The following ADAM28 variants were observed in gnomAD, a reference collection of about 807,000 sequenced individuals.
The protein encoded by ADAM28 is disintegrin and metalloproteinase domain-containing protein 28.
Under a neutral mutation model 101.2 loss-of-function variants are expected in ADAM28, and 105 were observed. The ratio of observed to expected loss-of-function variants is 1.04; its 90% confidence interval spans 0.89 to 1.22. The LOEUF is 1.22. Among genes scored for constraint, ADAM28 ranks in the 50% most tolerant of loss-of-function variants. The pLI, the probability that ADAM28 is intolerant of heterozygous loss-of-function variation, is 0.00. For missense variants in ADAM28, 1,028 were observed against 945.4 expected (o/e 1.09, Z -1.15); for synonymous variants, 322 against 310.6 (o/e 1.04, Z -0.39).
intron 6 of ADAM28, among the ~76,000 whole-genome samples, chr8:24,314,727 T>TA (rs1262097892): frequency 6.6e-6 from 1 of 151,624 alleles, no homozygotes; most frequent in Non-Finnish European, 1.5e-5. Flanking sequence ...ATCAAATGAG[T>TA]AAAAAATAAT....
At chr8:24,298,828 C>A (rs1808320580) in intron 1 of ADAM28, among the ~76,000 whole-genome samples, 1 of 152,034 alleles carries the variant, frequency 6.6e-6, no homozygotes, top group African/African-American at 2.4e-5. Flanking sequence ...GAGACTAGAC[C>A]ACATGGGCAA....
chr8:24,311,429 G>A lies in ADAM28; in HGVS notation c.375G>A (p.Arg125=). 1.2e-6 allele frequency: 2 copies of A among 1,612,298 alleles called. No homozygotes were observed. The highest frequency in any genetic ancestry group is 8.5e-7 in the Non-Finnish European group (1 of 1,179,066). ...CTGACGCTAGCATCAGCACATGTAG[G>A]GGTCTAAGGTAAGACTTCAGGAATG... ...KVSDASISTC[R]GLRGYFSQGD... The change falls in exon 5 of 23, where the codon AGG becomes AGA. Residue 125 remains arginine, a synonymous_variant. Transcript: ENST00000265769.
Position 24,331,170 on chromosome 8 carries a change from T to C in ADAM28, c.1124T>C (p.Phe375Ser). 1 of 1,612,478 alleles carries C rather than the reference T, an allele frequency of 6.2e-7. No individual in the cohort carries two copies. Reference protein sequence around the residue: ...KALSFYIPTDFSSCSRLSYDK... With the variant: ...KALSFYIPTDSSSCSRLSYDK... The stretch of plus-strand genomic sequence containing the variant: ...CACAGCTTCTATATACCCACAGACT[T>C]CAGTTCCTGCAGCCGTCTCAGCTAT... The change falls in exon 12 of 23, where the codon TTC (phenylalanine) becomes TCC (serine). Residue 375 changes from phenylalanine (F) to serine (S), a missense_variant. Phe to Ser is a radical substitution (Grantham distance 155). Transcript: ENST00000265769.
chr8:24,302,472 G>A (rs972941142), intron 2 of ADAM28, among the ~76,000 whole-genome samples: 2 of 152,170 alleles, frequency 1.3e-5, no homozygotes, highest in African/African-American at 4.8e-5. Context: ...GGGATTGCTG[G>A]GTTAAATGGT....
chr8:24,351,551 G>A (rs1047232656), intron 20 of ADAM28: 16 of 566,180 alleles, frequency 2.8e-5, no homozygotes, highest in African/African-American at 1.5e-4. Flanking sequence ...CCGGATGTCT[G>A]TCTGTCTCTC....
intron 2 of ADAM28, among the ~76,000 whole-genome samples, chr8:24,303,416 T>G (rs1296812580): frequency 6.6e-6 from 1 of 152,186 alleles, no homozygotes; most frequent in Non-Finnish European, 1.5e-5. Context: ...TCCCATTGCT[T>G]GTTTTTGTAA....
chr8:24,324,047 T>A (rs778645671), intron 9 of ADAM28, 44 bp downstream of exon 9: 1 of 1,586,450 alleles, frequency 6.3e-7, no homozygotes, highest in Non-Finnish European at 8.6e-7. Flanking sequence ...TGGTATTTAG[T>A]GGATGCTTTT....
In ADAM28 at chr8:24,330,060, G is replaced by T; in HGVS notation, c.1048G>T (p.Asp350Tyr). The T allele has an allele frequency of 6.2e-7, 1 of 1,613,746 alleles. No homozygotes were observed. The highest frequency in any genetic ancestry group is 8.5e-7 in the Non-Finnish European group (1 of 1,179,804). ...EMGHNFGMFH[D>Y]DYSCKCPSTI... ...GGGCCACAACTTTGGAATGTTTCAT[G>T]ACGACTATTCTTGCAAGTGTCCTTC... Residue 350 changes from aspartate to tyrosine, a missense_variant, in exon 11 of 23, where the codon GAC becomes TAC. Coordinates refer to ENST00000265769, the MANE Select transcript of ADAM28 (RefSeq NM_014265.6).
intron 2 of ADAM28, among the ~76,000 whole-genome samples, chr8:24,306,534 C>T (rs1809719080): frequency 6.6e-6 from 1 of 151,610 alleles, no homozygotes; most frequent in African/African-American, 2.4e-5. Context: ...TTTCCCACAT[C>T]TTCTAAACTC....
chr8:24,314,871 T>TA (rs1458841987), intron 6 of ADAM28, among the ~76,000 whole-genome samples: 1 of 149,288 alleles, frequency 6.7e-6, no homozygotes, highest in African/African-American at 2.5e-5. Context: ...GTTATTGGTG[T>TA]AAGATACTCC....
In ADAM28 at chr8:24,342,068, G is replaced by A. The variant is rs1323848121; in HGVS notation, c.1830+311G>A. On this transcript the variant is annotated intron_variant, in intron 16 of 22. Transcript: ENST00000265769. ...ATGCAGATAACACACAGTAGCATCC[G>A]TTTAACTTTCATAGACGAAGTCTGA... Among the ~76,000 whole-genome samples the A allele has an allele frequency of 3.3e-5, 5 of 152,168 alleles. No individual in the cohort carries two copies. The East Asian group carries it at 5.8e-4, about 18-fold the overall frequency.
chr8:24,294,116 A>C lies in ADAM28; in HGVS notation c.-34A>C. The stretch of plus-strand genomic sequence containing the variant: ...ACCCAGCAGCACCCACCTGAGCGAG[A>C]AGAGCAGACACCGTGCTCCTGGAAT... On this transcript the variant is annotated 5_prime_UTR_variant, in exon 1 of 23. Coordinates refer to ENST00000265769, the MANE Select transcript of ADAM28 (RefSeq NM_014265.6). 1 of 1,613,848 alleles carries C rather than the reference A, an allele frequency of 6.2e-7. No individual in the cohort carries two copies. The highest frequency in any genetic ancestry group is 1.1e-5 in the South Asian group (1 of 91,072).
intron 19 of ADAM28, among the ~76,000 whole-genome samples, chr8:24,350,915 T>TA (rs1335521978): frequency 4.6e-5 from 7 of 151,636 alleles, no homozygotes; most frequent in African/African-American, 1.7e-4. Flanking sequence ...AAGACTTATT[T>TA]ACTCATGATG....
intron 2 of ADAM28, among the ~76,000 whole-genome samples, chr8:24,305,426 G>C (rs1426493192): frequency 4.0e-5 from 5 of 124,624 alleles, no homozygotes; most frequent in Non-Finnish European, 8.4e-5. Context: ...GTTTGAAACT[G>C]TCCAGGTAAA....
chr8:24,321,526 T>C (rs1811879764), intron 8 of ADAM28: 1 of 498,066 alleles, frequency 2.0e-6, no homozygotes, highest in African/African-American at 2.0e-5. Context: ...TAAGAAGACA[T>C]AAAAGCTACA....
intron 2 of ADAM28, among the ~76,000 whole-genome samples, chr8:24,304,872 G>A (rs548149836): frequency 4.7e-5 from 7 of 149,080 alleles, no homozygotes; most frequent in Non-Finnish European, 7.4e-5. Context: ...CTGAGATCAC[G>A]TCATTTGCAC....
At chr8:24,296,559 C>G (rs1200267196) in intron 1 of ADAM28, among the ~76,000 whole-genome samples, 1 of 152,198 alleles carries the variant, frequency 6.6e-6, no homozygotes, top group Non-Finnish European at 1.5e-5. Context: ...ACCCCAAACA[C>G]ATGAACAAAT....
At chr8:24,310,382 TA>T (rs1177866828) in intron 4 of ADAM28, 141 bp downstream of exon 4, 38 of 724,700 alleles carry the variant, frequency 5.2e-5, no homozygotes, top group South Asian at 7.1e-5. Context: ...ACTTAAAATA[TA>T]AAAAAAAGAA....
At chr8:24,334,387 A>G (rs553571124) in intron 13 of ADAM28, among the ~76,000 whole-genome samples, 1 of 152,300 alleles carries the variant, frequency 6.6e-6, no homozygotes, top group South Asian at 2.1e-4. Context: ...CCTGTCATCT[A>G]AATATGAATT....
Sources: allele counts gnomAD v4.1 joint callset (sites outside exome capture counted in the v4.1 genomes callset), GRCh38; gene constraint gnomAD v4.1.1; transcripts MANE v1.5; gene names NCBI Gene and HGNC (gene_info 2026-07-23, HGNC 2026-07-21).